Variants in COL10A1 observed in about 807,000 individuals in gnomAD.
The protein encoded by COL10A1 is collagen type X alpha 1 chain.
Under a neutral mutation model 18.2 loss-of-function variants are expected in COL10A1, and 10 were observed. The ratio of observed to expected loss-of-function variants is 0.55; its 90% CI spans 0.34 to 0.93. The LOEUF (loss-of-function observed/expected upper bound fraction) is 0.93, where lower values mean the gene tolerates loss of function less well. COL10A1 is among the 40% of genes least tolerant of loss of function. COL10A1 has a pLI of 0.02. For synonymous variants in COL10A1, 330 were observed against 316.6 expected (o/e 1.04, Z -0.45); for missense variants, 897 against 853.5 (o/e 1.05, Z -0.64).
At chr6:116,188,729 G>A in the COL10A1 span, among the ~76,000 whole-genome samples, 1 of 150,526 alleles carries the variant, frequency 6.6e-6, no homozygotes, top group Admixed American at 6.6e-5. Flanking sequence ...TACCTGATTA[G>A]CAATTACATG....
chr6:116,192,662 T>C, the COL10A1 span, among the ~76,000 whole-genome samples: 1 of 152,096 alleles, frequency 6.6e-6, no homozygotes, highest in Non-Finnish European at 1.5e-5. Flanking sequence ...TTCAAAACTT[T>C]GTAACTGAAT....
intron 1 of COL10A1, among the ~76,000 whole-genome samples, chr6:116,146,139 A>T (rs567147691): frequency 6.6e-6 from 1 of 152,200 alleles, no homozygotes; most frequent in Non-Finnish European, 1.5e-5. Flanking sequence ...AAAAACTTTC[A>T]TGCTTTGTGT....
intron 1 of COL10A1, among the ~76,000 whole-genome samples, chr6:116,152,263 A>G (rs1312943297): frequency 6.6e-6 from 1 of 152,192 alleles, no homozygotes; most frequent in African/African-American, 2.4e-5. Flanking sequence ...TTTTTCATTT[A>G]ATAATGATTA....
At chr6:116,201,102 G>A in the COL10A1 span, among the ~76,000 whole-genome samples, 1 of 151,982 alleles carries the variant, frequency 6.6e-6, no homozygotes, top group African/African-American at 2.4e-5. Context: ...TGCCCAAGAG[G>A]TACTGCACCT....
the COL10A1 span, among the ~76,000 whole-genome samples, chr6:116,199,113 G>A: frequency 2.0e-5 from 3 of 152,036 alleles, no homozygotes; most frequent in South Asian, 4.2e-4. Flanking sequence ...ATGTCCCTGG[G>A]GGGTGAGGGG....
upstream of COL10A1, among the ~76,000 whole-genome samples, chr6:116,127,812 C>T (rs1375567954): frequency 1.3e-5 from 2 of 152,138 alleles, no homozygotes; most frequent in African/African-American, 2.4e-5. Flanking sequence ...CACTCGTGAA[C>T]GTTCAGAAGA....
chr6:116,206,415 A>T, the COL10A1 span, among the ~76,000 whole-genome samples: 10 of 152,022 alleles, frequency 6.6e-5, no homozygotes, highest in Admixed American at 2.0e-4. Flanking sequence ...TCAATGACTA[A>T]AGCACTTACC....
chr6:116,128,631 A>G (rs1779384533), upstream of COL10A1, among the ~76,000 whole-genome samples: 1 of 152,196 alleles, frequency 6.6e-6, no homozygotes, highest in Non-Finnish European at 1.5e-5. Context: ...GTTAGACATT[A>G]AGATAAATAC....
the COL10A1 span, among the ~76,000 whole-genome samples, chr6:116,190,102 G>A: frequency 4.0e-5 from 6 of 151,824 alleles, no homozygotes; most frequent in Non-Finnish European, 8.8e-5. Context: ...ATCTATCACA[G>A]AGCTTGTAGT....
the COL10A1 span, among the ~76,000 whole-genome samples, chr6:116,216,223 T>G: frequency 6.6e-6 from 1 of 152,166 alleles, no homozygotes; most frequent in Non-Finnish European, 1.5e-5. Context: ...GTAATAAAGA[T>G]ACTATAAAAT....
intron 1 of COL10A1, among the ~76,000 whole-genome samples, chr6:116,150,470 A>C (rs1024606503): frequency 1.3e-5 from 2 of 152,062 alleles, no homozygotes; most frequent in African/African-American, 4.8e-5. Flanking sequence ...TTTTTAATAG[A>C]GACAGGGTTT....
At chr6:116,168,907 C>A in the COL10A1 span, among the ~76,000 whole-genome samples, 1 of 152,084 alleles carries the variant, frequency 6.6e-6, no homozygotes, top group African/African-American at 2.4e-5. Flanking sequence ...TGCTTCAGGC[C>A]ATTGAGAGCT....
chr6:116,144,576 A>G (rs1268104374), intron 1 of COL10A1, among the ~76,000 whole-genome samples: 1 of 152,294 alleles, frequency 6.6e-6, no homozygotes, highest in African/African-American at 2.4e-5. Context: ...CTTTAAATAT[A>G]TGACTCTAAG....
At chr6:116,202,039 G>C in the COL10A1 span, among the ~76,000 whole-genome samples, 1 of 151,946 alleles carries the variant, frequency 6.6e-6, no homozygotes, top group Non-Finnish European at 1.5e-5. Flanking sequence ...GTCCAGTGTG[G>C]TAGCCATTAA....
At chr6:116,149,633 A>G (rs1024334942) in intron 1 of COL10A1, among the ~76,000 whole-genome samples, 2 of 152,216 alleles carry the variant, frequency 1.3e-5, no homozygotes, top group Non-Finnish European at 2.9e-5. Context: ...TGTTTTTCCA[A>G]AAAAGCCCAA....
the COL10A1 span, among the ~76,000 whole-genome samples, chr6:116,176,778 C>T: frequency 6.6e-6 from 1 of 152,110 alleles, no homozygotes; most frequent in Non-Finnish European, 1.5e-5. Context: ...CACCGAAGCA[C>T]TGTGGGCTAG....
chr6:116,136,802 A>G (rs554165586), intron 1 of COL10A1, among the ~76,000 whole-genome samples: 1 of 152,356 alleles, frequency 6.6e-6, no homozygotes, highest in East Asian at 1.9e-4. Flanking sequence ...TGTTACTCAG[A>G]ACAAGAAGCC....
rs1441733997 is a variant in COL10A1, at chr6:116,120,645, G to T, written c.1471C>A (p.Pro491Thr). 1 of 1,548,704 alleles carries T rather than the reference G, an allele frequency of 6.5e-7. No individual in the cohort carries two copies. The change falls in exon 3 of 3, where the codon CCA becomes ACA. Residue 491 changes from proline (P) to threonine (T), a missense_variant. Transcript: ENST00000651968. ...ATKGLNGPTG[P>T]PGPPGPRGHS... ...CCTCTTGGACCTGGAGGCCCTGGTGGCCCGGTGGGTCCATTGAGGCCCTTA... is the reference window on the plus strand; with the variant it reads ...CCTCTTGGACCTGGAGGCCCTGGTGTCCCGGTGGGTCCATTGAGGCCCTTA...
chr6:116,138,919 GGTAA>G (rs1262297160), intron 1 of COL10A1, among the ~76,000 whole-genome samples: 2 of 152,034 alleles, frequency 1.3e-5, no homozygotes, highest in Non-Finnish European at 2.9e-5. Flanking sequence ...TTCTCACATT[GGTAA>G]GTGTTAGTTT....
Sources: allele counts gnomAD v4.1 joint callset (sites outside exome capture counted in the v4.1 genomes callset), GRCh38; gene constraint gnomAD v4.1.1; transcripts MANE v1.5; gene names NCBI Gene and HGNC (gene_info 2026-07-23, HGNC 2026-07-21).